The following B3GALT1 variants were observed in gnomAD, a reference collection of about 807,000 sequenced individuals.
B3GALT1 encodes the protein UDP-Gal:betaGlcNAc beta 1,3-galactosyltransferase, polypeptide 1.
Under a neutral mutation model 23.2 loss-of-function variants are expected in B3GALT1, and 10 were observed. That is an observed-to-expected ratio of 0.43 (90% CI 0.27 to 0.73). The LOEUF is 0.73. Among genes scored for constraint, B3GALT1 ranks in the 30% least tolerant of loss-of-function variants. B3GALT1 has a pLI of 0.21. For missense variants in B3GALT1, 299 were observed against 405.4 expected (o/e 0.74, Z 2.25); for synonymous variants, 156 against 141.5 (o/e 1.10, Z -0.73).
At chr2:167,578,917 G>A (rs527436987) in intron 2 of B3GALT1, among the ~76,000 whole-genome samples, 2 of 152,126 alleles carry the variant, frequency 1.3e-5, no homozygotes, top group South Asian at 2.1e-4. Flanking sequence ...ACAGAATGGA[G>A]CGTGTATAAT....
intron 4 of B3GALT1, among the ~76,000 whole-genome samples, chr2:167,868,310 G>A (rs1690273562): frequency 6.6e-6 from 1 of 152,166 alleles, no homozygotes; most frequent in African/African-American, 2.4e-5. Context: ...ATTTTCCAGT[G>A]TGATAAACAC....
intron 1 of B3GALT1, among the ~76,000 whole-genome samples, chr2:167,409,762 A>G (rs752123261): frequency 1.6e-4 from 25 of 151,974 alleles, no homozygotes; most frequent in Middle Eastern, 3.4e-3. Context: ...GGCGATCATT[A>G]AAAGTCAGGA....
chr2:167,757,451 C>A (rs1250470954), intron 3 of B3GALT1, among the ~76,000 whole-genome samples: 1 of 152,110 alleles, frequency 6.6e-6, no homozygotes. Context: ...TAGATGGGTA[C>A]ACACTAGAAG....
intron 1 of B3GALT1, among the ~76,000 whole-genome samples, chr2:167,478,640 A>G (rs1699520824): frequency 6.6e-6 from 1 of 151,878 alleles, no homozygotes; most frequent in Non-Finnish European, 1.5e-5. Context: ...ATATGTATAC[A>G]TGTGCCATGT....
intron 1 of B3GALT1, among the ~76,000 whole-genome samples, chr2:167,442,057 G>A (rs1698903075): frequency 6.8e-6 from 1 of 147,718 alleles, no homozygotes; most frequent in Admixed American, 6.9e-5. Flanking sequence ...ATTCCCCAGA[G>A]TGTGATGTTC....
In B3GALT1 at chr2:167,485,558, G is replaced by T. The variant is rs143437148; in HGVS notation, c.-510-4619G>T. Among the ~76,000 whole-genome samples, 461 of 152,248 alleles carry T rather than the reference G, an allele frequency of 3.0e-3. 4 individuals are homozygous for T. The highest frequency in any genetic ancestry group is 0.01 in the African/African-American group (425 of 41,544). ...CAGTTGTCATAGCACTTGACAAATG[G>T]CATTAAGTTATCTTGTATGTGTTTA... On this transcript the variant is annotated intron_variant, in intron 1 of 4. Coordinates refer to ENST00000392690, the MANE Select transcript of B3GALT1 (RefSeq NM_020981.4).
At chr2:167,538,409 A>G (rs1683467706) in intron 2 of B3GALT1, among the ~76,000 whole-genome samples, 1 of 152,194 alleles carries the variant, frequency 6.6e-6, no homozygotes, top group Non-Finnish European at 1.5e-5. Flanking sequence ...GTATATCTAT[A>G]TTTATGTTTT....
intron 1 of B3GALT1, among the ~76,000 whole-genome samples, chr2:167,385,391 G>T (rs1395140090): frequency 6.6e-6 from 1 of 152,100 alleles, no homozygotes; most frequent in Non-Finnish European, 1.5e-5. Flanking sequence ...ACCCTGTTTA[G>T]AGTTATTTAC....
intron 1 of B3GALT1, among the ~76,000 whole-genome samples, chr2:167,475,303 T>TATC (rs1699472141): frequency 6.6e-6 from 1 of 152,096 alleles, no homozygotes; most frequent in Non-Finnish European, 1.5e-5. Flanking sequence ...CCCTCTCCAT[T>TATC]ATCAGTTCCA....
intron 3 of B3GALT1, among the ~76,000 whole-genome samples, chr2:167,734,204 G>T (rs1399132538): frequency 1.3e-5 from 2 of 152,130 alleles, no homozygotes. Flanking sequence ...GGAATGTTCT[G>T]CAGAAGAAAC....
At chr2:167,597,769 T>C (rs1034207931) in intron 2 of B3GALT1, among the ~76,000 whole-genome samples, 3 of 152,198 alleles carry the variant, frequency 2.0e-5, no homozygotes, top group African/African-American at 7.2e-5. Flanking sequence ...GATATAGATG[T>C]AGATTTCTGC....
chr2:167,479,416 TGTTA>T (rs1219316693), intron 1 of B3GALT1, among the ~76,000 whole-genome samples: 1 of 152,210 alleles, frequency 6.6e-6, no homozygotes, highest in Non-Finnish European at 1.5e-5. Flanking sequence ...TTCTCCTCCC[TGTTA>T]GTTACTATTT....
intron 3 of B3GALT1, among the ~76,000 whole-genome samples, chr2:167,816,641 T>A (rs1263759836): frequency 1.3e-5 from 2 of 152,150 alleles, no homozygotes; most frequent in African/African-American, 2.4e-5. Context: ...TTCAATAATG[T>A]TTATGTTTTT....
chr2:167,403,658 T>C (rs955628403), intron 1 of B3GALT1, among the ~76,000 whole-genome samples: 4 of 152,114 alleles, frequency 2.6e-5, no homozygotes, highest in Non-Finnish European at 5.9e-5. Context: ...AGCCCTGCTC[T>C]AATCTGCACT....
intron 2 of B3GALT1, among the ~76,000 whole-genome samples, chr2:167,630,330 A>G (rs1010845928): frequency 6.6e-6 from 1 of 151,774 alleles, no homozygotes; most frequent in Non-Finnish European, 1.5e-5. Context: ...TAAAAAATGT[A>G]TGAAGAAGCT....
chr2:167,726,264 T>C lies in B3GALT1; in HGVS notation c.-352+79298T>C, dbSNP rs1448521111. On this transcript the variant is annotated intron_variant, in intron 3 of 4. Transcript: ENST00000392690. Reference sequence around the variant, plus strand: ...TGACTAGTTTTTGAAATGGAACCTATGTTTTTCAAGCCCAGAGGCCTTACA... The same window carrying C: ...TGACTAGTTTTTGAAATGGAACCTACGTTTTTCAAGCCCAGAGGCCTTACA... Among the ~76,000 whole-genome samples the C allele has an allele frequency of 3.3e-5, 5 of 152,188 alleles. No individual in the cohort carries two copies. In the East Asian group the frequency reaches 9.6e-4, roughly 29 times the overall value.
intron 1 of B3GALT1, among the ~76,000 whole-genome samples, chr2:167,293,869 G>C (rs1368426924): frequency 1.4e-5 from 2 of 147,238 alleles, no homozygotes; most frequent in African/African-American, 2.5e-5. Context: ...CTTCGGAGGG[G>C]AAGGGAAGAG....
chr2:167,400,693 G>A (rs1289060745), intron 1 of B3GALT1, among the ~76,000 whole-genome samples: 2 of 152,054 alleles, frequency 1.3e-5, no homozygotes, highest in Non-Finnish European at 2.9e-5. Context: ...CATCTTCACT[G>A]CCAATTCAGC....
intron 3 of B3GALT1, among the ~76,000 whole-genome samples, chr2:167,681,864 T>G (rs1031339061): frequency 7.2e-5 from 11 of 152,248 alleles, no homozygotes; most frequent in South Asian, 2.1e-4. Flanking sequence ...CAGGCTGTTT[T>G]CAGAACAATG....
Sources: gnomAD v4.1 joint callset for allele counts (sites outside exome capture counted in the v4.1 genomes callset) on GRCh38, gnomAD v4.1.1 for gene constraint, MANE v1.5 for transcripts, NCBI Gene and HGNC (gene_info 2026-07-23, HGNC 2026-07-21) for gene names.